Variants in PCDH10 observed in about 807,000 individuals in gnomAD.
The protein encoded by PCDH10 is protocadherin 10, also known as protocadherin-10.
PCDH10 carries 15 observed loss-of-function variants against 74.4 expected under a neutral mutation model. The ratio of observed to expected loss-of-function variants is 0.20; its 90% CI spans 0.13 to 0.31. The LOEUF is 0.31. Among genes scored for constraint, PCDH10 ranks in the 10% least tolerant of loss-of-function variants. PCDH10 has a pLI of 1.00. For missense variants in PCDH10, 1,260 were observed against 1,390.2 expected (o/e 0.91, Z 1.49); for synonymous variants, 619 against 589.8 (o/e 1.05, Z -0.72).
chr4:133,154,971 C>T lies in PCDH10; in HGVS notation c.2745C>T (p.Asp915=). The T allele has an allele frequency of 6.2e-7, 1 of 1,613,938 alleles. No individual in the cohort carries two copies. The highest frequency in any genetic ancestry group is 8.5e-7 in the Non-Finnish European group (1 of 1,179,840). ...GCTCTAAGGACAGTGGTCATGGAGA[C>T]AGTGAACAGGGAGATAGTGATCATG... The part of the protein sequence containing the change: ...IVSSKDSGHG[D]SEQGDSDHDA... The change falls in exon 3 of 5, where the codon GAC becomes GAT. Residue 915 remains aspartate (D), a synonymous_variant. Transcript: ENST00000264360.
At chr4:133,184,663 T>C (rs1489010230) in intron 4 of PCDH10, among the ~76,000 whole-genome samples, 3 of 146,108 alleles carry the variant, frequency 2.1e-5, no homozygotes, top group Non-Finnish European at 4.5e-5. Flanking sequence ...ATAAATAAGT[T>C]ATTTATTTAT....
intron 4 of PCDH10, among the ~76,000 whole-genome samples, chr4:133,183,198 C>A (rs1727451228): frequency 6.6e-6 from 1 of 151,980 alleles, no homozygotes; most frequent in African/African-American, 2.4e-5. Context: ...TTAAATCAAA[C>A]AAAATTGAGT....
intron 2 of PCDH10, among the ~76,000 whole-genome samples, chr4:133,205,845 T>G (rs2125879060): frequency 6.6e-6 from 1 of 152,310 alleles, no homozygotes; most frequent in Admixed American, 6.5e-5. Context: ...AAAGTATTTT[T>G]AACTCTTTGC....
chr4:133,197,576 G>T (rs1022508844), downstream of PCDH10, among the ~76,000 whole-genome samples: 14 of 152,112 alleles, frequency 9.2e-5, no homozygotes, highest in Admixed American at 9.2e-4. Context: ...TATTCATATT[G>T]TGAAGGGAAT....
At position 133,168,295 on chromosome 4, in the gene PCDH10, AT is replaced by A. The variant is rs570090114; in HGVS notation, c.3103+5023del. Among the ~76,000 whole-genome samples the A allele has an allele frequency of 1.1e-4, 17 of 148,910 alleles. No homozygotes were observed. In the East Asian group the frequency reaches 2.6e-3, roughly 22 times the overall value. On this transcript the variant is annotated intron_variant, in intron 4 of 4. Coordinates refer to ENST00000264360, the MANE Select transcript of PCDH10 (RefSeq NM_032961.3). Reference sequence around the variant, plus strand: ...AAATATCTGGTCACTTCTGTAAGCAATTTTTTTTTTACTTACTCAGACATCA... The same window carrying A: ...AAATATCTGGTCACTTCTGTAAGCAATTTTTTTTTACTTACTCAGACATCA...
chr4:133,153,228 AG>A, intron 1 of PCDH10: 3 of 1,037,470 alleles, frequency 2.9e-6, no homozygotes, highest in Non-Finnish European at 3.5e-6. Flanking sequence ...TGTACAAGTA[AG>A]CTATAGATTG....
intron 2 of PCDH10, among the ~76,000 whole-genome samples, chr4:133,205,698 A>G (rs1407176366): frequency 2.0e-5 from 3 of 151,820 alleles, no homozygotes; most frequent in African/African-American, 7.3e-5. Flanking sequence ...TCTTCTCTAT[A>G]TTTTAAAAAT....
Position 133,156,976 on chromosome 4 carries a change from A to C in PCDH10, c.2797+1953A>C, listed in dbSNP as rs562768679. Among the ~76,000 whole-genome samples, 110 of 152,366 alleles carry C rather than the reference A, an allele frequency of 7.2e-4. 1 individual carries two copies. The highest frequency in any genetic ancestry group is 1.3e-3 in the Non-Finnish European group (89 of 68,028). On this transcript the variant is annotated intron_variant, in intron 3 of 4. Transcript: ENST00000264360. The stretch of plus-strand genomic sequence containing the variant: ...TGGAGATGTCAAAGCATTTAAAAGA[A>C]TACTAAAATGTTAAAATGTGTTGTG...
intron 4 of PCDH10, among the ~76,000 whole-genome samples, chr4:133,168,817 T>G (rs952657475): frequency 6.6e-6 from 1 of 151,714 alleles, no homozygotes; most frequent in Non-Finnish European, 1.5e-5. Flanking sequence ...TTCATTCATT[T>G]ATGCACACAC....
Position 133,190,167 on chromosome 4 carries a change from C to G in PCDH10, c.*7C>G, listed in dbSNP as rs199897831. 8.2e-4 allele frequency: 1,323 copies of G among 1,610,688 alleles called. 1 individual carries two copies. Among genetic ancestry groups the G allele is most frequent in the Middle Eastern group, 7.4e-3 (45 of 6,050 alleles). On this transcript the variant is annotated 3_prime_UTR_variant, in exon 5 of 5. Transcript: ENST00000264360. Reference sequence around the variant, plus strand: ...ACGGAAAAGGATATGCTAGTCAATTCTACAGGACTTACCTGAAGCAGCATG... The same window carrying G: ...ACGGAAAAGGATATGCTAGTCAATTGTACAGGACTTACCTGAAGCAGCATG...
chr4:133,152,273 G>A lies in PCDH10; in HGVS notation c.2133G>A (p.Ser711=), dbSNP rs368787756. The A allele has an allele frequency of 9.3e-6, 15 of 1,613,794 alleles. No homozygotes were observed. Among genetic ancestry groups the A allele is most frequent in the African/African-American group, 1.3e-5 (1 of 74,938 alleles). Residue 711 remains serine, a synonymous_variant, in exon 1 of 5, where the codon TCG becomes TCA. Coordinates refer to ENST00000264360, the MANE Select transcript of PCDH10 (RefSeq NM_032961.3). ...GTCGCTCTGGCGGCGGGGAAACCTC[G>A]CTAGACCTCACCCTCATCCTCATCA... ...RPSRSGGGET[S]LDLTLILIIA...
chr4:133,196,425 G>C (rs1727795965), downstream of PCDH10, among the ~76,000 whole-genome samples: 1 of 152,128 alleles, frequency 6.6e-6, no homozygotes, highest in Admixed American at 6.6e-5. Context: ...GGATGCACCG[G>C]TTTATCAATC....
rs1727674794 is a variant in PCDH10 at position 133,191,755 on chromosome 4, T to C, written c.*1595T>C. On this transcript the variant is annotated 3_prime_UTR_variant, in exon 5 of 5. Coordinates refer to ENST00000264360, the MANE Select transcript of PCDH10 (RefSeq NM_032961.3). ...ACATCATATCAAAGCTTCAACATTA[T>C]ATCAAAATGTTTGCCCAGTTCAAAT... 1 of 151,680 alleles carries C rather than the reference T, an allele frequency of 6.6e-6. No homozygotes were observed. Among genetic ancestry groups the C allele is most frequent in the African/African-American group, 2.4e-5 (1 of 41,400 alleles). 9.4% of individuals were successfully genotyped at this position (151,680 alleles called of 1,614,324 possible). A position where few individuals can be genotyped will look rare whatever the true frequency, so the allele number is the denominator to read the frequency against.
intron 4 of PCDH10, among the ~76,000 whole-genome samples, chr4:133,165,766 T>G (rs971251211): frequency 2.6e-5 from 4 of 151,690 alleles, no homozygotes; most frequent in Non-Finnish European, 5.9e-5. Flanking sequence ...TATACAATAA[T>G]GACAAGGAAA....
rs553930515 is a variant in PCDH10 at position 133,190,493 on chromosome 4, A to G, written c.*333A>G. 3.3e-4 allele frequency: 89 copies of G among 272,500 alleles called. No individual in the cohort carries two copies. Among genetic ancestry groups the G allele is most frequent in the Non-Finnish European group, 5.3e-4 (77 of 145,770 alleles). 16.9% of individuals were successfully genotyped at this position (272,500 alleles called of 1,614,324 possible). A position where few individuals can be genotyped will look rare whatever the true frequency, so the allele number is the denominator to read the frequency against. ...TTATATTCACCACGAGAAGCCAGTC[A>G]TAAAGATAAAGGAAATTTGTGCATT... On this transcript the variant is annotated 3_prime_UTR_variant, in exon 5 of 5. Coordinates refer to ENST00000264360, the MANE Select transcript of PCDH10 (RefSeq NM_032961.3).
intron 4 of PCDH10, among the ~76,000 whole-genome samples, chr4:133,164,303 A>C (rs894244270): frequency 6.6e-6 from 1 of 152,088 alleles, no homozygotes; most frequent in East Asian, 1.9e-4. Context: ...AGTGAATTAA[A>C]ATAGCCTAAA....
chr4:133,179,394 G>C (rs2125869543), intron 4 of PCDH10, among the ~76,000 whole-genome samples: 1 of 152,136 alleles, frequency 6.6e-6, no homozygotes, highest in Non-Finnish European at 1.5e-5. Context: ...GTTTATTCTA[G>C]TTTTTAAAGA....
At position 133,190,343 on chromosome 4, in the gene PCDH10, G is replaced by C. The variant is rs1727634309; in HGVS notation, c.*183G>C. The C allele has an allele frequency of 1.6e-6, 1 of 631,262 alleles. No homozygotes were observed. Among genetic ancestry groups the C allele is most frequent in the Non-Finnish European group, 2.9e-6 (1 of 347,418 alleles). 39.1% of individuals were successfully genotyped at this position (631,262 alleles called of 1,614,324 possible). On this transcript the variant is annotated 3_prime_UTR_variant, in exon 5 of 5. Coordinates refer to ENST00000264360, the MANE Select transcript of PCDH10 (RefSeq NM_032961.3). ...ATTGCTCTCAGCAGGCCTGAGAAAT[G>C]AGTTGAAATGTGCAGAACTGTAGAA... is the stretch of plus-strand genomic sequence containing the variant.
chr4:133,197,809 AG>A (rs1447901118), downstream of PCDH10, among the ~76,000 whole-genome samples: 1 of 152,114 alleles, frequency 6.6e-6, no homozygotes, highest in Non-Finnish European at 1.5e-5. Context: ...TCATGAAAAA[AG>A]GAAGAAAAGA....
Sources: allele counts gnomAD v4.1 joint callset (sites outside exome capture counted in the v4.1 genomes callset), GRCh38; gene constraint gnomAD v4.1.1; transcripts MANE v1.5; gene names NCBI Gene and HGNC (gene_info 2026-07-23, HGNC 2026-07-21).